REPS1: variants seen among roughly 807,000 people sequenced by gnomAD.
The protein encoded by REPS1 is RALBP1 associated Eps domain containing 1.
In REPS1, 39 loss-of-function variants were observed where a neutral mutation model predicts 100.9. The ratio of observed to expected loss-of-function variants is 0.39; its 90% confidence interval spans 0.30 to 0.50. The LOEUF is 0.50. REPS1 is among the 20% of genes least tolerant of loss of function. The probability of loss-of-function intolerance (pLI) is 0.86; values close to 1 mark genes in which losing one functional copy is unlikely to be tolerated. For synonymous variants in REPS1, 324 were observed against 340.3 expected (o/e 0.95, Z 0.53); for missense variants, 821 against 968.5 (o/e 0.85, Z 2.02).
intron 1 of REPS1, among the ~76,000 whole-genome samples, chr6:138,965,178 TCTCA>T (rs993893060): frequency 5.3e-5 from 8 of 152,194 alleles, no homozygotes; most frequent in Admixed American, 3.3e-4. Flanking sequence ...TCATAATCAG[TCTCA>T]CTGTCATTGT....
At chr6:138,931,003 A>G (rs923190398) in intron 8 of REPS1, among the ~76,000 whole-genome samples, 1 of 152,190 alleles carries the variant, frequency 6.6e-6, no homozygotes, top group Non-Finnish European at 1.5e-5. Context: ...AAAGGTCACT[A>G]AACTCTCATT....
At chr6:138,987,386 G>A (rs1785330373) in intron 1 of REPS1, 144 bp downstream of exon 1, 5 of 858,940 alleles carry the variant, frequency 5.8e-6, no homozygotes, top group Admixed American at 3.2e-5. Context: ...AGGCCTCCCG[G>A]GCACCTGCGG....
intron 7 of REPS1, among the ~76,000 whole-genome samples, chr6:138,941,923 G>A (rs745336317): frequency 6.6e-6 from 1 of 152,090 alleles, no homozygotes; most frequent in Non-Finnish European, 1.5e-5. Context: ...CTGTCACCCA[G>A]GCTGGAGTGC....
chr6:138,943,831 A>T, intron 6 of REPS1, 22 bp downstream of exon 6: 1 of 1,603,288 alleles, frequency 6.2e-7, no homozygotes, highest in African/African-American at 1.3e-5. Context: ...ATCTAGAAGA[A>T]CTTCTGTTTT....
At chr6:138,961,421 T>C (rs972340771) in intron 1 of REPS1, among the ~76,000 whole-genome samples, 3 of 152,088 alleles carry the variant, frequency 2.0e-5, no homozygotes, top group Admixed American at 6.6e-5. Flanking sequence ...GTATTTTTAG[T>C]AGAGACGGGG....
At chr6:138,973,065 T>C (rs1451507089) in intron 1 of REPS1, among the ~76,000 whole-genome samples, 1 of 152,090 alleles carries the variant, frequency 6.6e-6, no homozygotes, top group African/African-American at 2.4e-5. Context: ...CCTCAAATTT[T>C]TTGCCACCTA....
intron 1 of REPS1, among the ~76,000 whole-genome samples, chr6:138,969,434 A>C (rs1582845508): frequency 6.8e-6 from 1 of 147,076 alleles, no homozygotes. Flanking sequence ...ACAGGCACAC[A>C]CCACTGCAGC....
rs530488206 is a variant in REPS1, at chr6:138,911,475, A to G, written c.1972-104T>C. 5.0e-4 allele frequency: 391 copies of G among 784,492 alleles called. 1 individual carries two copies. The highest frequency in any genetic ancestry group is 7.6e-4 in the Non-Finnish European group (369 of 483,804). 48.6% of individuals were successfully genotyped at this position (784,492 alleles called of 1,614,324 possible). A position where few individuals can be genotyped will look rare whatever the true frequency, so the allele number is the denominator to read the frequency against. Reference sequence around the variant, plus strand: ...GAATAAAATGTTAAATATTCTGACAAGAAAACTGAGATGATGATAAGAAAC... The same window carrying G: ...GAATAAAATGTTAAATATTCTGACAGGAAAACTGAGATGATGATAAGAAAC... On this transcript the variant is annotated intron_variant, in intron 16 of 19. Coordinates refer to ENST00000450536, the MANE Select transcript of REPS1 (RefSeq NM_001286611.2).
chr6:138,923,344 A>ATT (rs1327270214), intron 10 of REPS1, among the ~76,000 whole-genome samples: 1 of 152,240 alleles, frequency 6.6e-6, no homozygotes, highest in Non-Finnish European at 1.5e-5. Context: ...TCATGAGAAA[A>ATT]TAAGTCTTAT....
intron 8 of REPS1, among the ~76,000 whole-genome samples, chr6:138,931,002 TA>T (rs1781451026): frequency 6.6e-6 from 1 of 152,170 alleles, no homozygotes; most frequent in African/African-American, 2.4e-5. Flanking sequence ...CAAAGGTCAC[TA>T]AACTCTCATT....
In REPS1 at chr6:138,961,870, T is replaced by C. The variant is rs374838725; in HGVS notation, c.154-13957A>G. Among the ~76,000 whole-genome samples, 3 of 152,254 alleles carry C rather than the reference T, an allele frequency of 2.0e-5. 1 individual carries two copies. On this transcript the variant is annotated intron_variant, in intron 1 of 19. Coordinates refer to ENST00000450536, the MANE Select transcript of REPS1 (RefSeq NM_001286611.2). ...GCCTTATGGGAGCAAGCAATTAATA[T>C]GAATTAGCAAAACTGGCAAGGTGAG...
At chr6:138,975,908 T>G (rs1784577938) in intron 1 of REPS1, among the ~76,000 whole-genome samples, 1 of 152,094 alleles carries the variant, frequency 6.6e-6, no homozygotes, top group African/African-American at 2.4e-5. Flanking sequence ...TCAAGAGAGG[T>G]TAAGTACTTA....
intron 8 of REPS1, chr6:138,934,125 C>T: frequency 4.0e-6 from 1 of 252,568 alleles, no homozygotes; most frequent in Non-Finnish European, 8.3e-6. Context: ...TTCAACTTTG[C>T]TCCAAATAAG....
At position 138,911,372 on chromosome 6, in the gene REPS1, C is replaced by A; in HGVS notation, c.1972-1G>T. 1 of 1,599,342 alleles carries A rather than the reference C, an allele frequency of 6.3e-7. No homozygotes were observed. The highest frequency in any genetic ancestry group is 8.6e-7 in the Non-Finnish European group (1 of 1,167,088). ...TTGCAGGATCAGAAGCTTTTTCAGC[C>A]TAAAAATGAATATGTTTATCACTAT... On this transcript the variant is annotated splice_acceptor_variant, in intron 16 of 19. Transcript: ENST00000450536. LOFTEE classifies it high-confidence loss of function.
At chr6:138,972,993 TTGAG>T (rs1223302651) in intron 1 of REPS1, among the ~76,000 whole-genome samples, 3 of 152,140 alleles carry the variant, frequency 2.0e-5, no homozygotes, top group African/African-American at 7.2e-5. Context: ...CTAATAGGTT[TTGAG>T]TGAGTGCCTA....
At chr6:138,906,805 T>C (rs1779681321) in intron 19 of REPS1, among the ~76,000 whole-genome samples, 1 of 152,206 alleles carries the variant, frequency 6.6e-6, no homozygotes. Context: ...AGAATCTTCA[T>C]TTTAACATGA....
At chr6:138,934,885 C>G (rs569452038) in intron 8 of REPS1, among the ~76,000 whole-genome samples, 7 of 152,154 alleles carry the variant, frequency 4.6e-5, no homozygotes, top group African/African-American at 1.7e-4. Flanking sequence ...GAAAAAAATA[C>G]GGAAAATGAA....
At chr6:138,960,159 TC>T (rs945110143) in intron 1 of REPS1, among the ~76,000 whole-genome samples, 1 of 152,160 alleles carries the variant, frequency 6.6e-6, no homozygotes, top group African/African-American at 2.4e-5. Context: ...AATCTTACCA[TC>T]TAGAAACAAA....
At chr6:138,976,713 C>T (rs576119839) in intron 1 of REPS1, among the ~76,000 whole-genome samples, 1 of 152,234 alleles carries the variant, frequency 6.6e-6, no homozygotes, top group Admixed American at 6.5e-5. Context: ...TTATTTTTAG[C>T]CCCTTCTAAG....
Sources: allele counts gnomAD v4.1 joint callset (sites outside exome capture counted in the v4.1 genomes callset), GRCh38; gene constraint gnomAD v4.1.1; transcripts MANE v1.5; gene names NCBI Gene and HGNC (gene_info 2026-07-23, HGNC 2026-07-21).